The following IL1RAP variants were observed in gnomAD, a reference collection of about 807,000 sequenced individuals.
The protein encoded by IL1RAP is interleukin-1 receptor accessory protein.
In IL1RAP, 35 loss-of-function variants were observed where a neutral mutation model predicts 60.7. That is an observed-to-expected ratio of 0.58 (90% CI 0.44 to 0.76). The LOEUF is 0.76. Ranked by LOEUF, IL1RAP falls within the 30% of genes least tolerant of loss-of-function variation. The probability of loss-of-function intolerance (pLI) is 0.00; values close to 1 mark genes in which losing one functional copy is unlikely to be tolerated. For synonymous variants in IL1RAP, 268 were observed against 250.9 expected (o/e 1.07, Z -0.64); for missense variants, 572 against 693.9 (o/e 0.82, Z 1.97).
rs1203887188 is a variant in IL1RAP at position 190,649,636 on chromosome 3, A to G, written c.*931A>G. 1 of 985,758 alleles carries G rather than the reference A, an allele frequency of 1.0e-6. No individual in the cohort carries two copies. The highest frequency in any genetic ancestry group is 1.7e-5 in the African/African-American group (1 of 57,238). The allele number at this position is 985,758 out of a possible 1,614,324, so 61.1% of individuals were successfully genotyped here. A position where few individuals can be genotyped will look rare whatever the true frequency, so the allele number is the denominator to read the frequency against. On this transcript the variant is annotated 3_prime_UTR_variant, in exon 12 of 12. Coordinates refer to ENST00000447382, the MANE Select transcript of IL1RAP (RefSeq NM_002182.4). ...TTTAAGTCTTAACCTTGCTAATGTGAATACTGGGAAAGTGATTTTTTCTCA... is the reference window on the plus strand; with the variant it reads ...TTTAAGTCTTAACCTTGCTAATGTGGATACTGGGAAAGTGATTTTTTCTCA...
At chr3:190,656,616 T>C in exon 12 of IL1RAP, 9 of 1,459,906 alleles carry the variant, frequency 6.2e-6, no homozygotes, top group Non-Finnish European at 8.2e-6. Context: ...AATTACTGTG[T>C]GTGGTGGGTG....
At chr3:190,547,310 G>A (rs1241028566) in intron 1 of IL1RAP, among the ~76,000 whole-genome samples, 2 of 152,174 alleles carry the variant, frequency 1.3e-5, no homozygotes, top group Non-Finnish European at 2.9e-5. Context: ...CCCATCCAGT[G>A]TGATCTGGTG....
At chr3:190,533,162 A>G (rs1022629047) in intron 1 of IL1RAP, among the ~76,000 whole-genome samples, 22 of 152,186 alleles carry the variant, frequency 1.4e-4, no homozygotes, top group Non-Finnish European at 2.5e-4. Context: ...ACATGGCTCG[A>G]AAGACTTCAT....
chr3:190,531,206 G>A (rs1424412331), intron 1 of IL1RAP, among the ~76,000 whole-genome samples: 1 of 152,084 alleles, frequency 6.6e-6, no homozygotes, highest in Non-Finnish European at 1.5e-5. Context: ...AGTCTGGACT[G>A]TGCCACCGTA....
rs1457294790 is a variant in IL1RAP at position 190,626,062 on chromosome 3, C to A, written c.776-1261C>A. Among the ~76,000 whole-genome samples, 3 of 152,142 alleles carry A rather than the reference C, an allele frequency of 2.0e-5. 1 individual carries two copies. Among genetic ancestry groups the A allele is most frequent in the Non-Finnish European group, 4.4e-5 (3 of 68,026 alleles). Reference sequence around the variant, plus strand: ...TTTATCATCTAAACCAGGACACTTTCTGTGAGTAAACATAGCCACTACCTA... The same window carrying A: ...TTTATCATCTAAACCAGGACACTTTATGTGAGTAAACATAGCCACTACCTA... On this transcript the variant is annotated intron_variant, in intron 7 of 11. Transcript: ENST00000447382.
chr3:190,588,225 T>G (rs1400046586), intron 3 of IL1RAP, among the ~76,000 whole-genome samples: 5 of 152,250 alleles, frequency 3.3e-5, no homozygotes, highest in Admixed American at 6.5e-5. Context: ...GCGATTCTCC[T>G]GCCTCAGCCT....
intron 5 of IL1RAP, among the ~76,000 whole-genome samples, chr3:190,615,060 T>TG (rs1731148021): frequency 1.3e-5 from 1 of 77,478 alleles, no homozygotes; most frequent in African/African-American, 3.8e-5. Context: ...CTCTTTCTCC[T>TG]CTTTTTTTTT....
In IL1RAP at chr3:190,604,247, C is replaced by T; in HGVS notation, c.184C>T (p.His62Tyr). The change falls in exon 4 of 12, where the codon CAT becomes TAT. Residue 62 changes from histidine to tyrosine, a missense_variant. Coordinates refer to ENST00000447382, the MANE Select transcript of IL1RAP (RefSeq NM_002182.4). The stretch of plus-strand genomic sequence containing the variant: ...CTTGAAATTCAACTACAGCACAGCC[C>T]ATTCAGCTGGCCTTACTCTGATCTG... Reference protein sequence around the residue: ...HFLKFNYSTAHSAGLTLIWYW... With the variant: ...HFLKFNYSTAYSAGLTLIWYW... 6.2e-7 allele frequency: 1 copy of T among 1,614,074 alleles called. No homozygotes were observed. Among genetic ancestry groups the T allele is most frequent in the Non-Finnish European group, 8.5e-7 (1 of 1,180,004 alleles).
downstream of IL1RAP, chr3:190,656,064 C>T: frequency 3.3e-6 from 5 of 1,537,208 alleles, no homozygotes; most frequent in Non-Finnish European, 4.4e-6. Context: ...CCCTTGAGCA[C>T]CCGCACCCAG....
chr3:190,554,406 C>T (rs1725215902), intron 1 of IL1RAP, among the ~76,000 whole-genome samples: 1 of 152,202 alleles, frequency 6.6e-6, no homozygotes, highest in African/African-American at 2.4e-5. Context: ...TGCAAACTTT[C>T]ATGGCTCCAC....
chr3:190,632,873 C>G (rs1010133899), intron 9 of IL1RAP, among the ~76,000 whole-genome samples: 2 of 152,096 alleles, frequency 1.3e-5, no homozygotes, highest in African/African-American at 4.8e-5. Context: ...TTGAATTGTT[C>G]AGAAAAGAGC....
downstream of IL1RAP, chr3:190,655,779 G>C: frequency 2.6e-6 from 2 of 768,032 alleles, no homozygotes; most frequent in South Asian, 1.8e-5. Flanking sequence ...CTGAGATTCT[G>C]TCATCTCAAG....
chr3:190,564,910 T>G (rs1726241323), intron 3 of IL1RAP, among the ~76,000 whole-genome samples: 1 of 152,228 alleles, frequency 6.6e-6, no homozygotes, highest in East Asian at 1.9e-4. Context: ...TGGGCCTGGA[T>G]CACGTGAAAT....
intron 2 of IL1RAP, among the ~76,000 whole-genome samples, chr3:190,559,958 A>G (rs1725744604): frequency 1.3e-5 from 2 of 152,176 alleles, no homozygotes; most frequent in South Asian, 4.1e-4. Context: ...CACTTTGCCA[A>G]AACTTTCATT....
chr3:190,655,416 C>T (rs1198406628), downstream of IL1RAP, among the ~76,000 whole-genome samples: 1 of 152,072 alleles, frequency 6.6e-6, no homozygotes, highest in Non-Finnish European at 1.5e-5. Flanking sequence ...ATATTCTAAA[C>T]ATTTAAAGAC....
intron 3 of IL1RAP, among the ~76,000 whole-genome samples, chr3:190,588,805 A>G (rs1010543013): frequency 6.6e-6 from 1 of 152,212 alleles, no homozygotes; most frequent in African/African-American, 2.4e-5. Context: ...AATGTTCTCA[A>G]CCTTAGCACT....
intron 9 of IL1RAP, 195 bp from the exon 10 acceptor site, chr3:190,644,053 C>G (rs1466446006): frequency 1.2e-6 from 1 of 852,714 alleles, no homozygotes; most frequent in Non-Finnish European, 1.4e-6. Flanking sequence ...ATGCCAGGTG[C>G]TGGAAACAAA....
intron 5 of IL1RAP, among the ~76,000 whole-genome samples, chr3:190,613,587 T>G (rs1473667966): frequency 6.6e-6 from 1 of 152,086 alleles, no homozygotes; most frequent in African/African-American, 2.4e-5. Flanking sequence ...TGTAAAACAA[T>G]TACCATGGCC....
chr3:190,566,877 T>C (rs752862409), intron 3 of IL1RAP, among the ~76,000 whole-genome samples: 2 of 152,182 alleles, frequency 1.3e-5, no homozygotes, highest in African/African-American at 2.4e-5. Context: ...AAGGCATCTG[T>C]GGATGCTGAC....
Sources: allele counts gnomAD v4.1 joint callset (sites outside exome capture counted in the v4.1 genomes callset), GRCh38; gene constraint gnomAD v4.1.1; transcripts MANE v1.5; gene names NCBI Gene and HGNC (gene_info 2026-07-23, HGNC 2026-07-21).